INTS7: variants seen among roughly 807,000 people sequenced by gnomAD.
The protein encoded by INTS7 is integrator complex subunit 7, also known as chromosome 1 open reading frame 73.
Under a neutral mutation model 109.2 loss-of-function variants are expected in INTS7, and 46 were observed. The observed-to-expected ratio is 0.42, with a 90% confidence interval of 0.33 to 0.54. INTS7 has a LOEUF of 0.54. Ranked by LOEUF, INTS7 falls within the 20% of genes least tolerant of loss-of-function variation. The pLI, the probability that INTS7 is intolerant of heterozygous loss-of-function variation, is 0.07. For missense variants in INTS7, 929 were observed against 1,132.4 expected, an observed-to-expected ratio of 0.82 and a Z score of 2.58; for synonymous variants, 412 against 402.9, an observed-to-expected ratio of 1.02 and a Z score of -0.27.
intron 11 of INTS7, 124 bp downstream of exon 11, chr1:211,978,148 A>T: frequency 9.1e-7 from 1 of 1,100,148 alleles, no homozygotes; most frequent in Non-Finnish European, 1.3e-6. Context: ...GGTCTTAGGT[A>T]ATGAATTTAA....
At chr1:211,997,231 C>G (rs1374552337) in intron 7 of INTS7, among the ~76,000 whole-genome samples, 3 of 151,702 alleles carry the variant, frequency 2.0e-5, no homozygotes, top group Non-Finnish European at 4.4e-5. Context: ...TGATGAGAAA[C>G]TGAAGAAGAG....
chr1:211,976,472 G>A (rs1481585499), intron 12 of INTS7, 110 bp downstream of exon 12: 1 of 958,846 alleles, frequency 1.0e-6, no homozygotes, highest in Non-Finnish European at 1.5e-6. Flanking sequence ...ATGACTAAAA[G>A]GTACTTCCAT....
In INTS7 at chr1:212,028,971, T is replaced by A. The variant is rs139570061; in HGVS notation, c.94+6373A>T. 6.6e-5 allele frequency among the ~76,000 whole-genome samples: 10 copies of A among 152,280 alleles called. No homozygotes were observed. In the East Asian group the frequency reaches 1.7e-3, roughly 26 times the overall value. ...GTGCTAACCACTATGCTAAAATGCA[T>A]CTCTAGCAAGCAACTAGAAAGAAAG... On this transcript the variant is annotated intron_variant, in intron 1 of 19. Coordinates refer to ENST00000366994, the MANE Select transcript of INTS7 (RefSeq NM_015434.4).
chr1:212,014,955 C>A (rs993748610), intron 4 of INTS7, among the ~76,000 whole-genome samples: 1 of 152,238 alleles, frequency 6.6e-6, no homozygotes, highest in Non-Finnish European at 1.5e-5. Context: ...CCGGCCGCCA[C>A]CCCGTCTGGG....
intron 1 of INTS7, among the ~76,000 whole-genome samples, chr1:212,034,317 C>T (rs924787533): frequency 3.3e-5 from 5 of 152,060 alleles, no homozygotes; most frequent in Middle Eastern, 3.4e-3. Context: ...CTTATTTAGA[C>T]TAACCCACTA....
At chr1:212,012,280 C>T (rs886741796) in intron 4 of INTS7, among the ~76,000 whole-genome samples, 6 of 151,404 alleles carry the variant, frequency 4.0e-5, no homozygotes, top group East Asian at 3.9e-4. Flanking sequence ...GGGGAGGGGG[C>T]GGAGAACAGG....
chr1:212,025,657 T>G, intron 1 of INTS7: 1 of 198,624 alleles, frequency 5.0e-6, no homozygotes, highest in East Asian at 1.1e-4. Flanking sequence ...AAAACTCCTC[T>G]CTGGATCCTG....
chr1:211,943,986 A>C (rs556787678), intron 19 of INTS7, among the ~76,000 whole-genome samples: 1 of 152,236 alleles, frequency 6.6e-6, no homozygotes, highest in South Asian at 2.1e-4. Context: ...GCACAGATTC[A>C]GCATCTTAGC....
chr1:212,007,079 G>A lies in INTS7; in HGVS notation c.756+171C>T, dbSNP rs144808028. ...TTTCCTCAAGGGCTCCCAACAATCA[G>A]TACTGTGAACAGAGAGAATAAAAAA... is the stretch of plus-strand genomic sequence containing the variant. On this transcript the variant is annotated intron_variant, in intron 6 of 19. Coordinates refer to ENST00000366994, the MANE Select transcript of INTS7 (RefSeq NM_015434.4). Among the ~76,000 whole-genome samples, 59 of 151,512 alleles carry A rather than the reference G, an allele frequency of 3.9e-4. No individual in the cohort carries two copies. In the East Asian group the frequency reaches 0.011, roughly 27 times the overall value.
chr1:211,941,773 T>G lies in INTS7; in HGVS notation c.*51A>C. 1 of 1,575,720 alleles carries G rather than the reference T, an allele frequency of 6.3e-7. No individual in the cohort carries two copies. On this transcript the variant is annotated 3_prime_UTR_variant, in exon 20 of 20. Transcript: ENST00000366994. ...ATTCCATATGAAAAACCAAACTGTT[T>G]CTGGCAATTTGATTGATCTCTTGAG...
chr1:211,974,270 AAAAAAAATATATATATAT>A (rs1266351656), intron 13 of INTS7, among the ~76,000 whole-genome samples: 1,152 of 101,896 alleles, frequency 0.011, 36 homozygotes, highest in African/African-American at 0.04. Flanking sequence ...CTTCCCAGAA[AAAAAAAATATATATATAT>A]ATATATATAT....
At chr1:211,988,456 C>T (rs1664997465) in intron 7 of INTS7, among the ~76,000 whole-genome samples, 1 of 150,508 alleles carries the variant, frequency 6.6e-6, no homozygotes, top group Non-Finnish European at 1.5e-5. Context: ...CTAGGTCAAA[C>T]TTCCAAACTC....
intron 1 of INTS7, among the ~76,000 whole-genome samples, chr1:212,032,122 C>A (rs779343276): frequency 1.3e-5 from 2 of 152,204 alleles, no homozygotes; most frequent in Non-Finnish European, 2.9e-5. Flanking sequence ...GTTTTCTTGA[C>A]CACTTACTCT....
chr1:211,993,725 A>G (rs943974959), intron 7 of INTS7, among the ~76,000 whole-genome samples: 2 of 151,598 alleles, frequency 1.3e-5, no homozygotes, highest in African/African-American at 4.8e-5. Flanking sequence ...ATTGTAAACT[A>G]TTAATAGAGA....
intron 6 of INTS7, 90 bp downstream of exon 6, chr1:212,007,160 C>G: frequency 2.1e-6 from 2 of 945,072 alleles, no homozygotes; most frequent in Non-Finnish European, 3.2e-6. Context: ...TTAATGTCCT[C>G]AAGACTTGTG....
intron 11 of INTS7, among the ~76,000 whole-genome samples, chr1:211,977,118 AT>A (rs922328216): frequency 4.6e-5 from 7 of 152,204 alleles, no homozygotes; most frequent in African/African-American, 1.7e-4. Context: ...AATACTGCAT[AT>A]TACTTAGGGA....
Position 211,941,679 on chromosome 1 carries a change from A to G in INTS7, c.*145T>C, listed in dbSNP as rs888074187. The G allele has an allele frequency of 2.3e-6, 3 of 1,311,798 alleles. No individual in the cohort carries two copies. The highest frequency in any genetic ancestry group is 1.5e-5 in the South Asian group (1 of 65,214). The allele number at this position is 1,311,798 out of a possible 1,614,324, so 81.3% of individuals were successfully genotyped here. A position where few individuals can be genotyped will look rare whatever the true frequency, so the allele number is the denominator to read the frequency against. ...GTCAGACAAAATTTTTAAGAAAACAAAATTTTTTCCAGAATATTACATTAC... is the reference window on the plus strand; with the variant it reads ...GTCAGACAAAATTTTTAAGAAAACAGAATTTTTTCCAGAATATTACATTAC... On this transcript the variant is annotated 3_prime_UTR_variant, in exon 20 of 20. Coordinates refer to ENST00000366994, the MANE Select transcript of INTS7 (RefSeq NM_015434.4).
At chr1:212,001,202 G>A (rs192882218) in intron 7 of INTS7, among the ~76,000 whole-genome samples, 4 of 151,982 alleles carry the variant, frequency 2.6e-5, no homozygotes, top group African/African-American at 9.6e-5. Context: ...AAAGTAGCTG[G>A]GATTACAGGC....
intron 13 of INTS7, among the ~76,000 whole-genome samples, chr1:211,972,765 G>T (rs1664238946): frequency 6.6e-6 from 1 of 152,152 alleles, no homozygotes; most frequent in South Asian, 2.1e-4. Context: ...AGATTCTCTT[G>T]CTGGTCTGGA....
Sources: allele counts gnomAD v4.1 joint callset (sites outside exome capture counted in the v4.1 genomes callset), GRCh38; gene constraint gnomAD v4.1.1; transcripts MANE v1.5; gene names NCBI Gene and HGNC (gene_info 2026-07-23, HGNC 2026-07-21).